CHST3: variants seen among roughly 807,000 people sequenced by gnomAD.
CHST3 encodes the protein carbohydrate sulfotransferase 3, also known as C6ST-1.
Under a neutral mutation model 35.4 loss-of-function variants are expected in CHST3, and 20 were observed. The ratio of observed to expected loss-of-function variants is 0.57; its 90% CI spans 0.40 to 0.82. The LOEUF (loss-of-function observed/expected upper bound fraction) is 0.82. Among genes scored for constraint, CHST3 ranks in the 40% least tolerant of loss-of-function variants. CHST3 has a pLI of 0.00. For missense variants in CHST3, 693 were observed against 670.1 expected, an observed-to-expected ratio of 1.03 and a Z score of -0.38; for synonymous variants, 334 against 295.9, an observed-to-expected ratio of 1.13 and a Z score of -1.32.
At chr10:71,966,579 T>C (rs894239501) in intron 1 of CHST3, among the ~76,000 whole-genome samples, 3 of 152,186 alleles carry the variant, frequency 2.0e-5, no homozygotes, top group Admixed American at 2.0e-4. Flanking sequence ...TAGCAAGGCA[T>C]GTGGGCGGCA....
chr10:72,003,438 A>C (rs1840011435), intron 1 of CHST3, among the ~76,000 whole-genome samples: 1 of 152,138 alleles, frequency 6.6e-6, no homozygotes, highest in African/African-American at 2.4e-5. Context: ...AGTGGCTCAC[A>C]CCTGTAATCC....
At chr10:72,003,023 G>T (rs1393125684) in intron 1 of CHST3, among the ~76,000 whole-genome samples, 1 of 152,178 alleles carries the variant, frequency 6.6e-6, no homozygotes, top group East Asian at 1.9e-4. Context: ...GACCTGGGAG[G>T]GGTGGCCAGA....
chr10:72,009,460 C>T lies in CHST3; in HGVS notation c.*989C>T, dbSNP rs905656258. The T allele has an allele frequency of 2.6e-5, 4 of 152,214 alleles. No individual in the cohort carries two copies. The highest frequency in any genetic ancestry group is 5.9e-5 in the Non-Finnish European group (4 of 68,044). 9.4% of individuals were successfully genotyped at this position (152,214 alleles called of 1,614,324 possible). A position where few individuals can be genotyped will look rare whatever the true frequency, so the allele number is the denominator to read the frequency against. On this transcript the variant is annotated 3_prime_UTR_variant, in exon 3 of 3. Coordinates refer to ENST00000373115, the MANE Select transcript of CHST3 (RefSeq NM_004273.5). Reference sequence around the variant, plus strand: ...TTTGAAATGGTGCAGCCAAAGGCCCCGTCTAGCTTGGCTGGCTCCCGAACA... The same window carrying T: ...TTTGAAATGGTGCAGCCAAAGGCCCTGTCTAGCTTGGCTGGCTCCCGAACA...
chr10:71,991,312 G>A (rs1048166800), intron 1 of CHST3, among the ~76,000 whole-genome samples: 4 of 152,112 alleles, frequency 2.6e-5, no homozygotes, highest in Admixed American at 1.3e-4. Context: ...TTTGTTCTTC[G>A]CTAATTAAAT....
At chr10:71,985,059 C>T (rs1839835000) in intron 1 of CHST3, among the ~76,000 whole-genome samples, 1 of 152,250 alleles carries the variant, frequency 6.6e-6, no homozygotes, top group South Asian at 2.1e-4. Flanking sequence ...CTTGCTCTGC[C>T]CCTTGCAAAG....
In CHST3 at chr10:72,010,359, T is replaced by C. The variant is rs4148947; in HGVS notation, c.*1888T>C. ...TTTCTCTGTCAGATACGGCCCATTGTAAACCCAGAGGGCTGCATTTTGGGT... is the reference window on the plus strand; with the variant it reads ...TTTCTCTGTCAGATACGGCCCATTGCAAACCCAGAGGGCTGCATTTTGGGT... On this transcript the variant is annotated 3_prime_UTR_variant, in exon 3 of 3. Transcript: ENST00000373115. 0.39 allele frequency: 59,408 copies of C among 152,106 alleles called. 12,226 individuals are homozygous for C. Among genetic ancestry groups the C allele is most frequent in the Non-Finnish European group, 0.47 (32,167 of 67,980 alleles). 9.4% of individuals were successfully genotyped at this position (152,106 alleles called of 1,614,324 possible).
chr10:72,002,144 C>T (rs1839998420), intron 1 of CHST3, among the ~76,000 whole-genome samples: 1 of 152,188 alleles, frequency 6.6e-6, no homozygotes, highest in Non-Finnish European at 1.5e-5. Flanking sequence ...AACAGAGGGG[C>T]AGCTGTCTGG....
chr10:71,998,459 G>C (rs1420637716), intron 1 of CHST3, among the ~76,000 whole-genome samples: 1 of 152,258 alleles, frequency 6.6e-6, no homozygotes, highest in Non-Finnish European at 1.5e-5. Context: ...GACCAGGCAG[G>C]TGCAGTGAAG....
chr10:71,968,708 C>G (rs977960425), intron 1 of CHST3, among the ~76,000 whole-genome samples: 1 of 152,056 alleles, frequency 6.6e-6, no homozygotes, highest in Non-Finnish European at 1.5e-5. Context: ...TACACTCTGC[C>G]GAGCCTGGAT....
chr10:71,992,801 C>CAGTT (rs71187047), intron 1 of CHST3, among the ~76,000 whole-genome samples: 52,832 of 151,572 alleles, frequency 0.35, 10,942 homozygotes, highest in Non-Finnish European at 0.47. Context: ...GGTGGGATTA[C>CAGTT]AGGCGTCCGC....
In CHST3 at chr10:71,987,051, C is replaced by T. The variant is rs115644157; in HGVS notation, c.-107-18685C>T. Reference sequence around the variant, plus strand: ...TCCGAGTTCAGGGCCATCTGTCCAACGCTCAGAGCAGTTAGACAATTGACC... The same window carrying T: ...TCCGAGTTCAGGGCCATCTGTCCAATGCTCAGAGCAGTTAGACAATTGACC... On this transcript the variant is annotated intron_variant, in intron 1 of 2. Coordinates refer to ENST00000373115, the MANE Select transcript of CHST3 (RefSeq NM_004273.5). Among the ~76,000 whole-genome samples, 906 of 152,280 alleles carry T rather than the reference C, an allele frequency of 5.9e-3. 10 individuals are homozygous for T. Among genetic ancestry groups the T allele is most frequent in the African/African-American group, 0.021 (872 of 41,546 alleles).
At position 72,008,343 on chromosome 10, in the gene CHST3, C is replaced by T. The variant is rs1416783446; in HGVS notation, c.1312C>T (p.Gln438Ter). 1 of 1,569,602 alleles carries T rather than the reference C, an allele frequency of 6.4e-7. No individual in the cohort carries two copies. Among genetic ancestry groups the T allele is most frequent in the Middle Eastern group, 1.7e-4 (1 of 5,980 alleles). Residue 438 changes from glutamine (Q) to a stop codon, truncating the protein, a stop_gained, in exon 3 of 3, where the codon CAG (glutamine) becomes TAG (stop). Transcript: ENST00000373115. LOFTEE classifies it high-confidence loss of function. ...CTTCAGCATGCCCTTCAAGCTGGCCCAGGTGGTGCAGGCCGCCTGCGGCCC... is the reference window on the plus strand; with the variant it reads ...CTTCAGCATGCCCTTCAAGCTGGCCTAGGTGGTGCAGGCCGCCTGCGGCCC... ...WRFSMPFKLA[Q>*]VVQAACGPAM... is the part of the protein sequence containing the mutation.
chr10:71,975,207 A>C (rs1041520749), intron 1 of CHST3, among the ~76,000 whole-genome samples: 1 of 152,180 alleles, frequency 6.6e-6, no homozygotes, highest in Admixed American at 6.5e-5. Context: ...TGTACTAAGC[A>C]TCTTTGAACT....
intron 1 of CHST3, among the ~76,000 whole-genome samples, chr10:71,981,433 G>C (rs528026235): frequency 6.6e-6 from 1 of 152,348 alleles, no homozygotes; most frequent in African/African-American, 2.4e-5. Context: ...CGAGGGAGGG[G>C]AATGTTCAGT....
At chr10:71,979,020 C>T (rs1008781354) in intron 1 of CHST3, among the ~76,000 whole-genome samples, 1 of 152,230 alleles carries the variant, frequency 6.6e-6, no homozygotes, top group African/African-American at 2.4e-5. Context: ...CTTCCCTCCT[C>T]CCTGCATCCT....
At chr10:72,000,871 G>T (rs1036184822) in intron 1 of CHST3, among the ~76,000 whole-genome samples, 2 of 152,082 alleles carry the variant, frequency 1.3e-5, no homozygotes, top group Non-Finnish European at 2.9e-5. Context: ...GCAGGAGGGG[G>T]TGTGGGGAGG....
At position 72,008,208 on chromosome 10, in the gene CHST3, C is replaced by A; in HGVS notation, c.1177C>A (p.Leu393Met). Reference protein sequence around the residue: ...REMYRFAGIPLTPQVEDWIQK... With the variant: ...REMYRFAGIPMTPQVEDWIQK... ...GATGTACCGCTTCGCCGGCATCCCC[C>A]TGACCCCGCAGGTGGAAGACTGGAT... Residue 393 changes from leucine to methionine, a missense_variant, in exon 3 of 3, where the codon CTG (leucine) becomes ATG (methionine). Physicochemically the swap from Leu to Met is conservative, Grantham distance 15. Coordinates refer to ENST00000373115, the MANE Select transcript of CHST3 (RefSeq NM_004273.5). 1 of 1,552,922 alleles carries A rather than the reference C, an allele frequency of 6.4e-7. No individual in the cohort carries two copies. Among genetic ancestry groups the A allele is most frequent in the South Asian group, 1.2e-5 (1 of 84,194 alleles).
At chr10:71,970,244 T>TCC (rs11424498) in intron 1 of CHST3, among the ~76,000 whole-genome samples, 4 of 151,860 alleles carry the variant, frequency 2.6e-5, no homozygotes, top group Non-Finnish European at 4.4e-5. Context: ...GTCCTCTTGA[T>TCC]CCCCCTCACC....
chr10:72,007,917 G>C lies in CHST3; in HGVS notation c.886G>C (p.Val296Leu), dbSNP rs762224143. ...CGAGGACCCCCGCCTGGACCTGCGC[G>C]TCATCCAGCTGGTGCGCGACCCCCG... The part of the protein sequence containing the change: ...LAEDPRLDLR[V>L]IQLVRDPRAV... The change falls in exon 3 of 3, where the codon GTC becomes CTC. Residue 296 changes from valine to leucine, a missense_variant. Val to Leu is a conservative substitution (Grantham distance 32). Transcript: ENST00000373115. 15 of 1,562,452 alleles carry C rather than the reference G, an allele frequency of 9.6e-6. No homozygotes were observed. In the South Asian group the frequency reaches 1.5e-4, roughly 16 times the overall value.
Sources: gnomAD v4.1 joint callset for allele counts (sites outside exome capture counted in the v4.1 genomes callset) on GRCh38, gnomAD v4.1.1 for gene constraint, MANE v1.5 for transcripts, NCBI Gene and HGNC (gene_info 2026-07-23, HGNC 2026-07-21) for gene names.